PWP1: variants seen among roughly 807,000 people sequenced by gnomAD.
The protein encoded by PWP1 is periodic tryptophan protein 1 homolog.
In PWP1, 47 loss-of-function variants were observed where a neutral mutation model predicts 69.9. That is an observed-to-expected ratio of 0.67 (90% confidence interval 0.53 to 0.86). The LOEUF (loss-of-function observed/expected upper bound fraction) is 0.86, where lower values mean the gene tolerates loss of function less well. Ranked by LOEUF, PWP1 falls within the 40% of genes least tolerant of loss-of-function variation. PWP1 has a pLI of 0.00. For missense variants in PWP1, 551 were observed against 608.8 expected, an observed-to-expected ratio of 0.91 and a Z score of 1.00; for synonymous variants, 222 against 208.2, an observed-to-expected ratio of 1.07 and a Z score of -0.57.
intron 1 of PWP1, chr12:107,686,245 G>A (rs1889362447): frequency 3.8e-6 from 2 of 532,796 alleles, no homozygotes; most frequent in Non-Finnish European, 6.8e-6. Flanking sequence ...TTAGCGGGCC[G>A]GAAAGGGGTG....
chr12:107,703,163 C>T, intron 9 of PWP1, 132 bp downstream of exon 9: 1 of 676,480 alleles, frequency 1.5e-6, no homozygotes. Context: ...CACATGTTAT[C>T]TCTTAGGATT....
chr12:107,697,635 A>T (rs1490415657), intron 7 of PWP1, 38 bp downstream of exon 7: 2 of 1,576,402 alleles, frequency 1.3e-6, no homozygotes, highest in Admixed American at 1.7e-5. Flanking sequence ...CTAATGACAG[A>T]GGTAAGTTTA....
intron 7 of PWP1, among the ~76,000 whole-genome samples, chr12:107,699,006 G>A (rs930675155): frequency 2.0e-5 from 3 of 152,160 alleles, no homozygotes; most frequent in Non-Finnish European, 4.4e-5. Context: ...GCTCACACCT[G>A]TAATCCCAAC....
At chr12:107,686,762 C>G (rs374377403) in intron 1 of PWP1, among the ~76,000 whole-genome samples, 4 of 152,008 alleles carry the variant, frequency 2.6e-5, no homozygotes, top group East Asian at 3.9e-4. Context: ...GTCAGGAGAT[C>G]GAGAGCATCC....
At chr12:107,704,420 C>T (rs984027844) in intron 10 of PWP1, among the ~76,000 whole-genome samples, 6 of 152,210 alleles carry the variant, frequency 3.9e-5, no homozygotes, top group African/African-American at 1.4e-4. Context: ...GTCAAAACCA[C>T]TGTAACGTTA....
chr12:107,689,873 C>G (rs937044693), intron 3 of PWP1, among the ~76,000 whole-genome samples: 2 of 152,162 alleles, frequency 1.3e-5, no homozygotes, highest in African/African-American at 4.8e-5. Context: ...CTATATTGCT[C>G]TTCTGGGGAA....
In PWP1 at chr12:107,685,923, G is replaced by C; in HGVS notation, c.24G>C (p.Thr8=). The change falls in exon 1 of 15, where the codon ACG becomes ACC. Residue 8 remains threonine (T), a synonymous_variant. Coordinates refer to ENST00000412830, the MANE Select transcript of PWP1 (RefSeq NM_007062.3). MNRSRQV[T]CVAWVRCGVA... ...CCATGAACCGCAGCCGCCAGGTGACGTGCGTGGCCTGGGTCCGCTGCGGCG... is the reference window on the plus strand; with the variant it reads ...CCATGAACCGCAGCCGCCAGGTGACCTGCGTGGCCTGGGTCCGCTGCGGCG... 1 of 1,613,940 alleles carries C rather than the reference G, an allele frequency of 6.2e-7. No homozygotes were observed. The highest frequency in any genetic ancestry group is 8.5e-7 in the Non-Finnish European group (1 of 1,179,972).
intron 8 of PWP1, among the ~76,000 whole-genome samples, chr12:107,701,877 CA>C (rs1258531501): frequency 1.3e-5 from 2 of 152,232 alleles, no homozygotes; most frequent in East Asian, 3.9e-4. Flanking sequence ...AGGGTTTCAC[CA>C]TGTAGGCCAG....
At chr12:107,707,292 T>C (rs1364445042) in intron 11 of PWP1, among the ~76,000 whole-genome samples, 46 of 152,204 alleles carry the variant, frequency 3.0e-4, no homozygotes, top group South Asian at 1.2e-3. Context: ...TAAGGAGATT[T>C]TGGGCTGAGA....
chr12:107,700,806 T>C (rs1459454076), intron 8 of PWP1, among the ~76,000 whole-genome samples: 1 of 152,248 alleles, frequency 6.6e-6, no homozygotes, highest in Non-Finnish European at 1.5e-5. Flanking sequence ...ACAAGGGCTC[T>C]AGTGTCTCCA....
chr12:107,702,620 T>G (rs1437222152), intron 8 of PWP1, among the ~76,000 whole-genome samples: 4 of 152,188 alleles, frequency 2.6e-5, no homozygotes. Context: ...AAGAAAAAAG[T>G]CATCAGAGAT....
At chr12:107,700,199 A>G (rs557674986) in intron 8 of PWP1, among the ~76,000 whole-genome samples, 2 of 152,324 alleles carry the variant, frequency 1.3e-5, no homozygotes, top group Admixed American at 1.3e-4. Context: ...GGACATAGCC[A>G]AATCCTATCA....
chr12:107,692,122 G>GT (rs1889492598), intron 3 of PWP1, among the ~76,000 whole-genome samples: 1 of 152,160 alleles, frequency 6.6e-6, no homozygotes, highest in African/African-American at 2.4e-5. Flanking sequence ...GCTCTTTCTC[G>GT]TGTAGCAGAA....
At chr12:107,710,550 T>G in intron 14 of PWP1, 40 bp downstream of exon 14, 10 of 1,111,324 alleles carry the variant, frequency 9.0e-6, no homozygotes, top group Middle Eastern at 3.6e-4. Context: ...CCCCTGCCCC[T>G]GTAAAAAAAA....
intron 11 of PWP1, among the ~76,000 whole-genome samples, chr12:107,705,843 G>A (rs1205031798): frequency 6.9e-6 from 1 of 145,632 alleles, no homozygotes; most frequent in Non-Finnish European, 1.5e-5. Context: ...CTATATGTAT[G>A]TGCACATATG....
At chr12:107,696,899 T>C (rs896523913) in intron 6 of PWP1, among the ~76,000 whole-genome samples, 2 of 152,078 alleles carry the variant, frequency 1.3e-5, no homozygotes. Flanking sequence ...ATATGTGAGA[T>C]GTTACCAGCT....
At chr12:107,699,128 A>G (rs1490867829) in intron 7 of PWP1, among the ~76,000 whole-genome samples, 2 of 152,034 alleles carry the variant, frequency 1.3e-5, no homozygotes, top group Non-Finnish European at 2.9e-5. Context: ...GCATGGTGGC[A>G]TGCGCGTGTA....
intron 11 of PWP1, among the ~76,000 whole-genome samples, chr12:107,706,422 A>G (rs1291710700): frequency 2.0e-5 from 3 of 151,884 alleles, no homozygotes; most frequent in South Asian, 2.1e-4. Flanking sequence ...ATCAATTTTG[A>G]CTTTTGTTGC....
At chr12:107,702,108 T>C (rs1296920259) in intron 8 of PWP1, among the ~76,000 whole-genome samples, 4 of 152,230 alleles carry the variant, frequency 2.6e-5, no homozygotes, top group Non-Finnish European at 4.4e-5. Context: ...CTTATGCCAG[T>C]AGCACATTGT....
Sources: allele counts gnomAD v4.1 joint callset (sites outside exome capture counted in the v4.1 genomes callset), GRCh38; gene constraint gnomAD v4.1.1; transcripts MANE v1.5; gene names NCBI Gene and HGNC (gene_info 2026-07-23, HGNC 2026-07-21).